Variants in NIPSNAP3B observed in about 807,000 individuals in gnomAD.
NIPSNAP3B encodes the protein nipsnap homolog 3B, also known as protein NipSnap homolog 3B.
In NIPSNAP3B, 30 loss-of-function variants were observed where a neutral mutation model predicts 31.5. The ratio of observed to expected loss-of-function variants is 0.95; its 90% confidence interval spans 0.71 to 1.29. The LOEUF (loss-of-function observed/expected upper bound fraction) is 1.29, where lower values mean the gene tolerates loss of function less well. Among genes scored for constraint, NIPSNAP3B ranks in the 50% most tolerant of loss-of-function variants. NIPSNAP3B has a pLI of 0.00. For synonymous variants in NIPSNAP3B, 106 were observed against 107.9 expected (o/e 0.98, Z 0.11); for missense variants, 269 against 300.7 (o/e 0.89, Z 0.78).
At chr9:104,789,814 C>A in the NIPSNAP3B span, among the ~76,000 whole-genome samples, 1 of 152,310 alleles carries the variant, frequency 6.6e-6, no homozygotes, top group South Asian at 2.1e-4. Context: ...TCCAGAGAAG[C>A]CGGGCGCAGT....
intron 3 of NIPSNAP3B, among the ~76,000 whole-genome samples, chr9:104,770,585 G>A (rs774055692): frequency 2.2e-4 from 33 of 152,222 alleles, no homozygotes; most frequent in Middle Eastern, 3.4e-3. Flanking sequence ...ATTTCAGAGT[G>A]TAGTTTATAT....
the NIPSNAP3B span, among the ~76,000 whole-genome samples, chr9:104,786,622 G>T: frequency 1.3e-5 from 2 of 152,134 alleles, no homozygotes; most frequent in Non-Finnish European, 2.9e-5. Flanking sequence ...TATCCTAATG[G>T]AATACTATCC....
At chr9:104,772,954 T>C (rs1259956456) in intron 5 of NIPSNAP3B, 43 bp from the exon 6 acceptor site, 2 of 1,613,906 alleles carry the variant, frequency 1.2e-6, no homozygotes, top group East Asian at 2.2e-5. Context: ...ACAAATGTGA[T>C]TCAACCAATA....
the NIPSNAP3B span, chr9:104,785,646 G>A: frequency 1.2e-6 from 2 of 1,613,798 alleles, no homozygotes; most frequent in Admixed American, 1.7e-5. Context: ...AAACCTGAAA[G>A]CAGGAAAAAA....
downstream of NIPSNAP3B, chr9:104,780,893 G>C (rs1435142317): frequency 6.6e-6 from 1 of 152,492 alleles, no homozygotes; most frequent in Non-Finnish European, 1.5e-5. Flanking sequence ...GGGAACATTT[G>C]AATCTTTTCT....
chr9:104,766,186 G>A (rs2118781803), intron 1 of NIPSNAP3B, 139 bp from the exon 2 acceptor site: 3 of 638,696 alleles, frequency 4.7e-6, no homozygotes, highest in South Asian at 3.8e-5. Flanking sequence ...GTAAACAAGT[G>A]TATATGGAGA....
chr9:104,790,132 A>G, the NIPSNAP3B span, among the ~76,000 whole-genome samples: 2 of 151,448 alleles, frequency 1.3e-5, no homozygotes, highest in Non-Finnish European at 2.9e-5. Flanking sequence ...CCACATATTT[A>G]AAGTACTTAG....
chr9:104,772,624 C>T (rs983140392), intron 4 of NIPSNAP3B, among the ~76,000 whole-genome samples, 198 bp from the exon 5 acceptor site: 8 of 152,066 alleles, frequency 5.3e-5, no homozygotes, highest in African/African-American at 1.2e-4. Flanking sequence ...ATTCTCTCTT[C>T]AGCCTTATGT....
chr9:104,786,269 C>T, the NIPSNAP3B span: 5 of 1,542,200 alleles, frequency 3.2e-6, no homozygotes, highest in East Asian at 2.2e-5. Context: ...TCTCACTAGG[C>T]ACTATCCCAA....
At chr9:104,786,270 A>G in the NIPSNAP3B span, 23 of 1,552,730 alleles carry the variant, frequency 1.5e-5, no homozygotes, top group Non-Finnish European at 1.5e-5. Context: ...CTCACTAGGC[A>G]CTATCCCAAA....
chr9:104,765,225 A>G (rs2118777788), intron 1 of NIPSNAP3B, among the ~76,000 whole-genome samples: 1 of 152,362 alleles, frequency 6.6e-6, no homozygotes, highest in East Asian at 1.9e-4. Context: ...GACGTTATGC[A>G]CACAAACTAC....
the NIPSNAP3B span, among the ~76,000 whole-genome samples, chr9:104,790,769 T>C: frequency 2.5e-4 from 38 of 152,360 alleles, no homozygotes; most frequent in Admixed American, 1.0e-3. Flanking sequence ...ATTGAAATCA[T>C]GGATGATTTT....
In NIPSNAP3B at chr9:104,775,897, T is replaced by G. The variant is rs1588171401; in HGVS notation, c.*2824T>G. ...ATATCTAGAATTTGATTGCTTCACA[T>G]CCCTATAGCAACTCTCCTGGTTCAA... On this transcript the variant is annotated 3_prime_UTR_variant, in exon 6 of 6. Transcript: ENST00000374762. Among the ~76,000 whole-genome samples the G allele has an allele frequency of 6.6e-6, 1 of 152,200 alleles. No individual in the cohort carries two copies. Among genetic ancestry groups the G allele is most frequent in the East Asian group, 1.9e-4 (1 of 5,192 alleles).
In NIPSNAP3B at chr9:104,774,859, CA is replaced by C; in HGVS notation, c.*1787del. Among the ~76,000 whole-genome samples the C allele has an allele frequency of 6.6e-6, 1 of 152,074 alleles. No individual in the cohort carries two copies. The highest frequency in any genetic ancestry group is 1.5e-5 in the Non-Finnish European group (1 of 68,012). On this transcript the variant is annotated 3_prime_UTR_variant, in exon 6 of 6. Coordinates refer to ENST00000374762, the MANE Select transcript of NIPSNAP3B (RefSeq NM_018376.4). ...TTTTTCTCTATTTTATTCATTCTTT[CA>C]TTCTCTTCGATGACTCCCAGCACCT...
rs1235748581 is a variant in NIPSNAP3B, at chr9:104,772,835, G to A, written c.594G>A (p.Trp198Ter). 1.9e-6 allele frequency: 3 copies of A among 1,612,928 alleles called. No homozygotes were observed. The East Asian group carries it at 6.7e-5, about 36-fold the overall frequency. Residue 198 changes from tryptophan to a stop codon, truncating the protein, a stop_gained, in exon 5 of 6, where the codon TGG becomes TGA. Transcript: ENST00000374762. LOFTEE classifies it high-confidence loss of function. ...YGELNRVHVL[W>*]WNESADSRAA... ...TTATTTCTGCAGTTCATGTTCTTTG[G>A]TGGAATGAGAGTGCAGATAGTCGTG...
At position 104,773,763 on chromosome 9, in the gene NIPSNAP3B, A is replaced by T. The variant is rs1344123131; in HGVS notation, c.*690A>T. 1 of 152,204 alleles carries T rather than the reference A, an allele frequency of 6.6e-6. No homozygotes were observed. Among genetic ancestry groups the T allele is most frequent in the Non-Finnish European group, 1.5e-5 (1 of 68,020 alleles). The allele number at this position is 152,204 out of a possible 1,614,324, so 9.4% of individuals were successfully genotyped here. A position where few individuals can be genotyped will look rare whatever the true frequency, so the allele number is the denominator to read the frequency against. On this transcript the variant is annotated 3_prime_UTR_variant, in exon 6 of 6. Transcript: ENST00000374762. ...TCTACTTAGTTTGGATCACTAACAG[A>T]GATCTTGGGACATTTATTTGTTTTA...
At chr9:104,771,296 A>G (rs1828212962) in intron 4 of NIPSNAP3B, 2 of 222,268 alleles carry the variant, frequency 9.0e-6, no homozygotes, top group South Asian at 1.8e-4. Flanking sequence ...GGTTTGTTGT[A>G]CAGATTATTT....
chr9:104,766,034 G>C (rs997978105), intron 1 of NIPSNAP3B, among the ~76,000 whole-genome samples: 1 of 152,098 alleles, frequency 6.6e-6, no homozygotes, highest in Non-Finnish European at 1.5e-5. Flanking sequence ...GTAGTTCTTC[G>C]GTAAAGGAGT....
In NIPSNAP3B at chr9:104,772,807, GGT is replaced by G; in HGVS notation, c.581-14_581-13del. 6.2e-7 allele frequency: 1 copy of G among 1,608,932 alleles called. No homozygotes were observed. Among genetic ancestry groups the G allele is most frequent in the Admixed American group, 1.7e-5 (1 of 59,354 alleles). On this transcript the variant is annotated splice_polypyrimidine_tract_variant and intron_variant, in intron 4 of 5. Coordinates refer to ENST00000374762, the MANE Select transcript of NIPSNAP3B (RefSeq NM_018376.4). ...GCCATATATTTCAGAAACTACTTGT[GGT>G]TTATTTCTGCAGTTCATGTTCTTTG...
Sources: allele counts gnomAD v4.1 joint callset (sites outside exome capture counted in the v4.1 genomes callset), GRCh38; gene constraint gnomAD v4.1.1; transcripts MANE v1.5; gene names NCBI Gene and HGNC (gene_info 2026-07-23, HGNC 2026-07-21).